The following KDM4C variants were observed in gnomAD, a reference collection of about 807,000 sequenced individuals.
KDM4C encodes lysine demethylase 4C, also known as lysine-specific demethylase 4C.
KDM4C carries 81 observed loss-of-function variants against 129.3 expected under a neutral mutation model. The observed-to-expected ratio is 0.63, with a 90% confidence interval of 0.52 to 0.75. The LOEUF is 0.75. Among genes scored for constraint, KDM4C ranks in the 30% least tolerant of loss-of-function variants. The probability of loss-of-function intolerance (pLI) is 0.00; values close to 1 mark genes in which losing one functional copy is unlikely to be tolerated. For synonymous variants in KDM4C, 573 were observed against 456.1 expected (o/e 1.26, Z -3.26); for missense variants, 1,457 against 1,304.0 (o/e 1.12, Z -1.81).
At chr9:6,970,998 G>A (rs1831885442) in intron 8 of KDM4C, among the ~76,000 whole-genome samples, 1 of 152,132 alleles carries the variant, frequency 6.6e-6, no homozygotes, top group South Asian at 2.1e-4. Flanking sequence ...TTAATGGATA[G>A]CTGCTGCAGC....
intron 6 of KDM4C, among the ~76,000 whole-genome samples, chr9:6,886,241 A>G (rs1428111412): frequency 1.3e-5 from 2 of 151,920 alleles, no homozygotes; most frequent in African/African-American, 2.4e-5. Flanking sequence ...AATATTAACC[A>G]TAAGCAGAGG....
chr9:6,925,002 T>G, intron 8 of KDM4C: 1 of 985,448 alleles, frequency 1.0e-6, no homozygotes, highest in East Asian at 1.1e-4. Context: ...TAGTGAATCT[T>G]AGGCTTCCTA....
chr9:7,058,474 A>G (rs1831180112), intron 17 of KDM4C, among the ~76,000 whole-genome samples: 1 of 152,222 alleles, frequency 6.6e-6, no homozygotes, highest in Admixed American at 6.5e-5. Context: ...TATAATGTGA[A>G]CCAACTCTCA....
intron 1 of KDM4C, among the ~76,000 whole-genome samples, chr9:6,734,049 T>C (rs1041597776): frequency 3.3e-5 from 5 of 152,180 alleles, no homozygotes; most frequent in Admixed American, 2.0e-4. Flanking sequence ...TCCTGTGACT[T>C]AGAATGCGTT....
intron 5 of KDM4C, among the ~76,000 whole-genome samples, chr9:6,872,021 T>C (rs1158857539): frequency 1.3e-5 from 2 of 151,816 alleles, no homozygotes; most frequent in African/African-American, 4.8e-5. Flanking sequence ...CTGGGTGGGG[T>C]TTGAGAGGTG....
rs1845703519 is a variant in KDM4C at position 6,888,998 on chromosome 9, C to T, written c.783+935C>T. 5.6e-5 allele frequency among the ~76,000 whole-genome samples: 2 copies of T among 35,912 alleles called. 1 individual carries two copies. Among genetic ancestry groups the T allele is most frequent in the East Asian group, 1.2e-3 (2 of 1,664 alleles). 23.6% of individuals were successfully genotyped at this position (35,912 alleles called of 152,430 possible). On this transcript the variant is annotated intron_variant, in intron 7 of 21. Transcript: ENST00000381309. ...AGAGACGGGGTTTCACCGTTTTAGC[C>T]GGGATGGCCTCGATCTCCCGACCTC...
intron 4 of KDM4C, 97 bp downstream of exon 4, chr9:6,814,842 TG>T (rs1831787521): frequency 1.6e-6 from 1 of 644,892 alleles, no homozygotes; most frequent in Non-Finnish European, 2.6e-6. Context: ...GTTGTGCTTT[TG>T]GGTGATCCAT....
chr9:6,886,358 G>C (rs922780974), intron 6 of KDM4C, among the ~76,000 whole-genome samples: 4 of 151,078 alleles, frequency 2.6e-5, no homozygotes, highest in East Asian at 1.9e-4. Flanking sequence ...CGTTGCCCAG[G>C]CTGGAGTACA....
At position 6,805,677 on chromosome 9, in the gene KDM4C, C is replaced by T; in HGVS notation, c.223C>T (p.Gln75Ter). The change falls in exon 3 of 22, where the codon CAG (glutamine) becomes TAG (stop). Residue 75 changes from glutamine to a stop codon, truncating the protein, a stop_gained. Transcript: ENST00000381309. LOFTEE classifies it high-confidence loss of function. ...TTTGCTCATTCCAGCACCAATTCAG[C>T]AGATGGTCACAGGGCAGTCAGGACT... is the stretch of plus-strand genomic sequence containing the variant. ...DNLLIPAPIQ[Q>*]MVTGQSGLFT... is the part of the protein sequence containing the mutation. The T allele has an allele frequency of 6.2e-7, 1 of 1,614,004 alleles. No individual in the cohort carries two copies. Among genetic ancestry groups the T allele is most frequent in the Non-Finnish European group, 8.5e-7 (1 of 1,179,922 alleles).
At chr9:6,921,320 T>C (rs913635310) in intron 8 of KDM4C, among the ~76,000 whole-genome samples, 2 of 152,222 alleles carry the variant, frequency 1.3e-5, no homozygotes, top group African/African-American at 4.8e-5. Flanking sequence ...GGCTGATTAC[T>C]TCACACGTCC....
At chr9:6,841,223 T>G (rs1026647504) in intron 4 of KDM4C, among the ~76,000 whole-genome samples, 13 of 152,068 alleles carry the variant, frequency 8.5e-5, no homozygotes, top group African/African-American at 2.9e-4. Context: ...TGGTCATTAT[T>G]GGCCCAGTTT....
chr9:7,170,163 A>G, intron 21 of KDM4C: 1 of 1,319,672 alleles, frequency 7.6e-7, no homozygotes, highest in East Asian at 3.6e-5. Flanking sequence ...TACTTACTGA[A>G]TGTGTGCTCT....
intron 8 of KDM4C, among the ~76,000 whole-genome samples, chr9:6,939,840 G>C (rs1441015177): frequency 3.9e-5 from 6 of 152,154 alleles, no homozygotes; most frequent in Non-Finnish European, 8.8e-5. Context: ...TATTTATATT[G>C]AATTACTCTT....
intron 1 of KDM4C, among the ~76,000 whole-genome samples, chr9:6,738,435 A>G (rs961744126): frequency 2.6e-5 from 4 of 152,142 alleles, no homozygotes; most frequent in African/African-American, 9.6e-5. Context: ...AAACCATGCC[A>G]CTGTACTCCA....
chr9:6,782,330 G>A (rs908153616), intron 1 of KDM4C, among the ~76,000 whole-genome samples: 1 of 152,174 alleles, frequency 6.6e-6, no homozygotes, highest in African/African-American at 2.4e-5. Flanking sequence ...CTGAGGATAG[G>A]AGAAGCAAAT....
intron 19 of KDM4C, among the ~76,000 whole-genome samples, chr9:7,157,786 G>T (rs1470088064): frequency 6.6e-6 from 1 of 152,182 alleles, no homozygotes; most frequent in Non-Finnish European, 1.5e-5. Context: ...TTGCATCAGT[G>T]CTCATCAGGG....
At chr9:7,133,516 C>T (rs1196208965) in intron 19 of KDM4C, among the ~76,000 whole-genome samples, 3 of 152,228 alleles carry the variant, frequency 2.0e-5, no homozygotes, top group Non-Finnish European at 4.4e-5. Context: ...TAAGTTCACA[C>T]TCATTTCACA....
At chr9:7,109,349 A>G (rs72703398) in intron 18 of KDM4C, among the ~76,000 whole-genome samples, 128 of 152,322 alleles carry the variant, frequency 8.4e-4, no homozygotes, top group Non-Finnish European at 1.6e-3. Context: ...CAACTAGGGG[A>G]AAAAAGTAGT....
intron 17 of KDM4C, among the ~76,000 whole-genome samples, chr9:7,060,603 TC>T (rs1214460604): frequency 2.0e-5 from 3 of 151,898 alleles, no homozygotes; most frequent in African/African-American, 7.2e-5. Context: ...TGCCTCAGCC[TC>T]CTGAGTAGCT....
Sources: gnomAD v4.1 joint callset for allele counts (sites outside exome capture counted in the v4.1 genomes callset) on GRCh38, gnomAD v4.1.1 for gene constraint, MANE v1.5 for transcripts, NCBI Gene and HGNC (gene_info 2026-07-23, HGNC 2026-07-21) for gene names.